Variants in NLRP11 observed in about 807,000 individuals in gnomAD.
The protein encoded by NLRP11 is NACHT, LRR and PYD domains-containing protein 11.
A neutral mutation model predicts 79.3 loss-of-function variants in NLRP11; 53 were observed. That is an observed-to-expected ratio of 0.67 (90% CI 0.54 to 0.84). NLRP11 has a LOEUF of 0.84. Among genes scored for constraint, NLRP11 ranks in the 40% least tolerant of loss-of-function variants. NLRP11 has a pLI of 0.00. For missense variants in NLRP11, 1,264 were observed against 1,255.0 expected (o/e 1.01, Z -0.11); for synonymous variants, 518 against 462.6 (o/e 1.12, Z -1.54).
intron 4 of NLRP11, among the ~76,000 whole-genome samples, chr19:55,804,455 G>A (rs78200060): frequency 0.016 from 2,395 of 149,720 alleles, 64 homozygotes; most frequent in African/African-American, 0.055. Context: ...TTTTTTTGGC[G>A]GGGGCAGGAA....
At chr19:55,818,417 A>C (rs911022526) in intron 1 of NLRP11, among the ~76,000 whole-genome samples, 181 bp from the exon 2 acceptor site, 2 of 152,182 alleles carry the variant, frequency 1.3e-5, no homozygotes, top group African/African-American at 4.8e-5. Flanking sequence ...GCAAATTTCT[A>C]GGTTCTGTTA....
chr19:55,790,361 A>G (rs1180404478), intron 7 of NLRP11, among the ~76,000 whole-genome samples: 1 of 152,198 alleles, frequency 6.6e-6, no homozygotes, highest in Non-Finnish European at 1.5e-5. Context: ...CATGCATGAA[A>G]CACATGTAGA....
intron 1 of NLRP11, among the ~76,000 whole-genome samples, chr19:55,830,133 C>G (rs1401278488): frequency 1.3e-5 from 2 of 152,162 alleles, no homozygotes; most frequent in African/African-American, 2.4e-5. Flanking sequence ...CTGTTTAACA[C>G]AAGTGTTTTC....
intron 7 of NLRP11, 116 bp downstream of exon 7, chr19:55,792,185 C>T (rs1025448602): frequency 3.2e-5 from 28 of 872,848 alleles, no homozygotes; most frequent in South Asian, 1.6e-4. Flanking sequence ...CCCATGCTCC[C>T]GTACCCCTAT....
intron 6 of NLRP11, among the ~76,000 whole-genome samples, chr19:55,795,053 G>A (rs892553286): frequency 1.3e-5 from 2 of 152,064 alleles, no homozygotes; most frequent in Admixed American, 6.6e-5. Flanking sequence ...TAAATACACC[G>A]AGCTACTTAC....
chr19:55,801,451 T>C (rs1260319833), intron 5 of NLRP11, 121 bp downstream of exon 5: 28 of 712,858 alleles, frequency 3.9e-5, no homozygotes, highest in Middle Eastern at 8.0e-4. Context: ...GCTAAAAAAA[T>C]TGAGGAATGA....
Position 55,808,030 on chromosome 19 carries a change from A to G in NLRP11, c.1842-16T>C. On this transcript the variant is annotated splice_polypyrimidine_tract_variant and intron_variant, in intron 3 of 9. Coordinates refer to ENST00000589093, the Ensembl canonical transcript of NLRP11. The stretch of plus-strand genomic sequence containing the variant: ...CTTCATTTGACTACATAGAAGAAAA[A>G]TTGAGTTTTCCAATGGAATCGATTC... 2 of 1,560,950 alleles carry G rather than the reference A, an allele frequency of 1.3e-6. No homozygotes were observed. The highest frequency in any genetic ancestry group is 1.7e-6 in the Non-Finnish European group (2 of 1,153,904).
intron 5 of NLRP11, chr19:55,800,910 T>G (rs1979415547): frequency 6.6e-6 from 1 of 152,224 alleles, no homozygotes; most frequent in Non-Finnish European, 1.5e-5. Context: ...CTGGGCACAG[T>G]GGCTCACACC....
rs1414310212 is a variant in NLRP11, at chr19:55,809,982, C to G, written c.628G>C (p.Gly210Arg). The change falls in exon 3 of 10, where the codon GGC (glycine) becomes CGC (arginine). Residue 210 changes from glycine to arginine, a missense_variant. Transcript: ENST00000589093. This position sits in a 1 kb window ranked among gnomAD's most constrained non-coding sequence, Gnocchi z 4.5. ...AGGATGTCTGCAATGGGAGCCTGGCCGTCAGGCCAGTCCTTGGCGATTAGC... is the reference window on the plus strand; with the variant it reads ...AGGATGTCTGCAATGGGAGCCTGGCGGTCAGGCCAGTCCTTGGCGATTAGC... 1 of 1,614,150 alleles carries G rather than the reference C, an allele frequency of 6.2e-7. No homozygotes were observed. The highest frequency in any genetic ancestry group is 1.7e-5 in the Admixed American group (1 of 60,024).
rs1440996949 is a variant in NLRP11 at position 55,809,996 on chromosome 19, T to C, written c.614A>G (p.Lys205Arg). The change falls in exon 3 of 10, where the codon AAG (lysine) becomes AGG (arginine). Residue 205 changes from lysine to arginine, a missense_variant. Physicochemically the swap from Lys to Arg is conservative, Grantham distance 26. Coordinates refer to ENST00000589093, the Ensembl canonical transcript of NLRP11. The surrounding 1 kb of genome is among the most constrained non-coding windows in gnomAD (Gnocchi z 4.5). The stretch of plus-strand genomic sequence containing the variant: ...GGGAGCCTGGCCGTCAGGCCAGTCC[T>C]TGGCGATTAGCTCAGCCAAGCTGCT... 2 of 1,614,252 alleles carry C rather than the reference T, an allele frequency of 1.2e-6. No individual in the cohort carries two copies. Among genetic ancestry groups the C allele is most frequent in the Admixed American group, 1.7e-5 (1 of 60,030 alleles).
chr19:55,806,016 T>G lies in NLRP11; in HGVS notation c.2003+1837A>C, dbSNP rs527415091. Reference sequence around the variant, plus strand: ...TCTGACACAGTTGACCTTTCCTTCGTTGGGAAACTTGCCTCACTGGGATCC... The same window carrying G: ...TCTGACACAGTTGACCTTTCCTTCGGTGGGAAACTTGCCTCACTGGGATCC... On this transcript the variant is annotated intron_variant, in intron 4 of 9. Transcript: ENST00000589093. 7.9e-5 allele frequency among the ~76,000 whole-genome samples: 12 copies of G among 152,344 alleles called. No individual in the cohort carries two copies. The South Asian group carries it at 2.3e-3, about 29-fold the overall frequency.
upstream of NLRP11, among the ~76,000 whole-genome samples, chr19:55,835,995 G>C (rs1163958842): frequency 6.6e-6 from 1 of 152,234 alleles, no homozygotes; most frequent in Non-Finnish European, 1.5e-5. Context: ...ATGGTGGTGT[G>C]CATCTGTAAT....
chr19:55,830,589 T>A (rs2547285), intron 1 of NLRP11, among the ~76,000 whole-genome samples: 46,121 of 145,270 alleles, frequency 0.32, 9,478 homozygotes, highest in African/African-American at 0.57. Context: ...TGATGGCTTC[T>A]TAGCTTCCTA....
rs1208942392 is a variant in NLRP11, at chr19:55,809,257, C to T, written c.1353G>A (p.Leu451=). 6.2e-7 allele frequency: 1 copy of T among 1,613,910 alleles called. No individual in the cohort carries two copies. The highest frequency in any genetic ancestry group is 1.3e-5 in the African/African-American group (1 of 74,920). ...TGGCTGTACAAAACTCCTGGACGTT[C>T]AAGTGTATGAACTTGTAACGGTCTT... Residue 451 remains leucine, a synonymous_variant, in exon 3 of 10, where the codon TTG becomes TTA. Transcript: ENST00000589093. This position sits in a 1 kb window ranked among gnomAD's most constrained non-coding sequence, Gnocchi z 4.5.
At chr19:55,820,040 A>C (rs1008588895) in intron 1 of NLRP11, among the ~76,000 whole-genome samples, 1 of 152,174 alleles carries the variant, frequency 6.6e-6, no homozygotes, top group Non-Finnish European at 1.5e-5. Context: ...CACCTATGGT[A>C]CCTGAGTTTT....
chr19:55,829,421 T>G (rs1473354889), intron 1 of NLRP11, among the ~76,000 whole-genome samples: 1 of 151,940 alleles, frequency 6.6e-6, no homozygotes, highest in African/African-American at 2.4e-5. Context: ...TCCCAGCACT[T>G]TGGGAGGCCG....
chr19:55,804,108 A>ATATG (rs1979747143), intron 4 of NLRP11, among the ~76,000 whole-genome samples: 2 of 151,978 alleles, frequency 1.3e-5, no homozygotes, highest in Admixed American at 1.3e-4. Context: ...ATATATATAT[A>ATATG]TGTGTGTGTG....
chr19:55,820,604 A>G (rs1981598408), intron 1 of NLRP11, among the ~76,000 whole-genome samples: 1 of 152,170 alleles, frequency 6.6e-6, no homozygotes, highest in African/African-American at 2.4e-5. Context: ...TCTCATGTAT[A>G]TTTTTGTATT....
At chr19:55,812,270 A>G (rs1015122650) in intron 2 of NLRP11, among the ~76,000 whole-genome samples, 1 of 152,210 alleles carries the variant, frequency 6.6e-6, no homozygotes, top group Admixed American at 6.5e-5. Flanking sequence ...GTAACTTAAA[A>G]TATACACTAT....
Sources: allele counts gnomAD v4.1 joint callset (sites outside exome capture counted in the v4.1 genomes callset), GRCh38; gene constraint gnomAD v4.1.1; non-coding constraint Gnocchi (gnomAD v3.1); transcripts MANE v1.5; gene names NCBI Gene and HGNC (gene_info 2026-07-23, HGNC 2026-07-21).